SBNO2: variants seen among roughly 807,000 people sequenced by gnomAD.
SBNO2 encodes the protein protein strawberry notch homolog 2.
Under a neutral mutation model 146.3 loss-of-function variants are expected in SBNO2, and 89 were observed. That is an observed-to-expected ratio of 0.61 (90% CI 0.51 to 0.73). The LOEUF is 0.73. SBNO2 is among the 30% of genes least tolerant of loss of function. The probability of loss-of-function intolerance (pLI) is 0.00; values close to 1 mark genes in which losing one functional copy is unlikely to be tolerated. For synonymous variants in SBNO2, 1,147 were observed against 892.6 expected, an observed-to-expected ratio of 1.29 and a Z score of -5.08; for missense variants, 2,092 against 2,003.7, an observed-to-expected ratio of 1.04 and a Z score of -0.84.
rs867545814 is a variant in SBNO2 at position 1,165,868 on chromosome 19, C to T, written c.-127+8304G>A. Among the ~76,000 whole-genome samples the T allele has an allele frequency of 6.5e-5, 2 of 30,654 alleles. 1 individual carries two copies. Among genetic ancestry groups the T allele is most frequent in the East Asian group, 2.7e-3 (2 of 744 alleles). 20.1% of individuals were successfully genotyped at this position (30,654 alleles called of 152,430 possible). A position where few individuals can be genotyped will look rare whatever the true frequency, so the allele number is the denominator to read the frequency against. ...CAGATCTCAGACCCCAGATCCCAGACCCCAGACCCCAGATCCCAGACCCCA... is the reference window on the plus strand; with the variant it reads ...CAGATCTCAGACCCCAGATCCCAGATCCCAGACCCCAGATCCCAGACCCCA... On this transcript the variant is annotated intron_variant, in intron 1 of 31. Coordinates refer to ENST00000361757, the MANE Select transcript of SBNO2 (RefSeq NM_014963.3).
intron 7 of SBNO2, 74 bp downstream of exon 7, chr19:1,123,460 G>T: frequency 1.6e-6 from 2 of 1,269,116 alleles, no homozygotes; most frequent in African/African-American, 1.5e-5. Flanking sequence ...TGCGGGCGGT[G>T]GTCACCTGCA....
rs937603127 is a variant in SBNO2, at chr19:1,144,217, C to T, written c.279+3092G>A. On this transcript the variant is annotated intron_variant, in intron 4 of 31. Coordinates refer to ENST00000361757, the MANE Select transcript of SBNO2 (RefSeq NM_014963.3). This position sits in a 1 kb window ranked among gnomAD's most constrained non-coding sequence, Gnocchi z 4.1. ...CCACAGAACCTTGCGGCCCAGCCCA[C>T]AGGACTGAGCTGACCCACACCCGTC... Among the ~76,000 whole-genome samples, 12 of 152,018 alleles carry T rather than the reference C, an allele frequency of 7.9e-5. No homozygotes were observed. The East Asian group carries it at 1.6e-3, about 20-fold the overall frequency.
At position 1,113,654 on chromosome 19, in the gene SBNO2, G is replaced by A. The variant is rs373148649; in HGVS notation, c.2128C>T (p.Arg710Trp). 63 of 1,596,934 alleles carry A rather than the reference G, an allele frequency of 3.9e-5. No individual in the cohort carries two copies. The highest frequency in any genetic ancestry group is 4.8e-5 in the Non-Finnish European group (56 of 1,173,050). ...RDPHGPGVLE[R>W]VERLKQDLLD... ...AGATCCTGCTTCAGCCGCTCCACCC[G>A]CTCCAGGACCCCGGGGCCATGCGGG... Residue 710 changes from arginine to tryptophan, a missense_variant, in exon 19 of 32, where the codon CGG becomes TGG. Coordinates refer to ENST00000361757, the MANE Select transcript of SBNO2 (RefSeq NM_014963.3).
At chr19:1,166,302 T>G (rs1229945973) in intron 1 of SBNO2, among the ~76,000 whole-genome samples, 3 of 151,610 alleles carry the variant, frequency 2.0e-5, no homozygotes, top group Non-Finnish European at 4.4e-5. Context: ...ACGACACAAA[T>G]GCTTATGCGG....
At chr19:1,125,855 G>A (rs927615307) in intron 5 of SBNO2, among the ~76,000 whole-genome samples, 4 of 151,970 alleles carry the variant, frequency 2.6e-5, no homozygotes, top group Non-Finnish European at 5.9e-5. Flanking sequence ...TTAGCCAGGC[G>A]TGGTGTCGTG....
At chr19:1,123,697 G>A (rs895070608) in intron 6 of SBNO2, 58 bp from the exon 7 acceptor site, 4 of 1,498,316 alleles carry the variant, frequency 2.7e-6, no homozygotes, top group Admixed American at 1.9e-5. Context: ...GCGGGCACTG[G>A]GCTCCCCCAG....
At chr19:1,147,767 G>C (rs574562440) in intron 3 of SBNO2, among the ~76,000 whole-genome samples, 217 of 152,182 alleles carry the variant, frequency 1.4e-3, no homozygotes, top group African/African-American at 4.8e-3. Context: ...CCCCAGCCTG[G>C]CCATCCCTCC....
At position 1,140,853 on chromosome 19, in the gene SBNO2, G is replaced by A. The variant is rs1487527102; in HGVS notation, c.279+6456C>T. 1.3e-5 allele frequency among the ~76,000 whole-genome samples: 2 copies of A among 152,122 alleles called. No individual in the cohort carries two copies. The highest frequency in any genetic ancestry group is 2.9e-5 in the Non-Finnish European group (2 of 68,028). ...TGAAGGAACCCCGTCCCCGCCAAGC[G>A]GCCAAAGTTACCAGCATCAGCACAA... On this transcript the variant is annotated intron_variant, in intron 4 of 31. Transcript: ENST00000361757. The surrounding 1 kb of genome is among the most constrained non-coding windows in gnomAD (Gnocchi z 4.4).
chr19:1,160,733 T>G (rs2080335645), intron 1 of SBNO2, among the ~76,000 whole-genome samples: 1 of 152,180 alleles, frequency 6.6e-6, no homozygotes, highest in Non-Finnish European at 1.5e-5. Context: ...TTTCACCATG[T>G]TGCCCAGGCT....
rs11881300 is a variant in SBNO2, at chr19:1,136,224, A to G, written c.280-8459T>C. Among the ~76,000 whole-genome samples the G allele has an allele frequency of 0.094, 14,358 of 152,148 alleles. 845 individuals are homozygous for G. Among genetic ancestry groups the G allele is most frequent in the East Asian group, 0.16 (810 of 5,140 alleles). On this transcript the variant is annotated intron_variant, in intron 4 of 31. Transcript: ENST00000361757. The surrounding 1 kb of genome is among the most constrained non-coding windows in gnomAD (Gnocchi z 4.2). ...GTCCGCACCTTGACTTTGGACTTCC[A>G]GGCTCCAGGGCTGGGAGGGGACAGA...
chr19:1,168,047 G>A (rs2145357298), intron 1 of SBNO2, among the ~76,000 whole-genome samples: 1 of 152,300 alleles, frequency 6.6e-6, no homozygotes, highest in Middle Eastern at 3.4e-3. Flanking sequence ...CCCTGGGGAG[G>A]GGCAGCGGAG....
At chr19:1,114,992 C>G (rs948400967) in intron 17 of SBNO2, among the ~76,000 whole-genome samples, 1 of 151,610 alleles carries the variant, frequency 6.6e-6, no homozygotes, top group Non-Finnish European at 1.5e-5. Flanking sequence ...TGCAGTGGTG[C>G]GATCTCAGCT....
chr19:1,160,473 C>G (rs537785451), intron 1 of SBNO2, among the ~76,000 whole-genome samples: 2 of 152,320 alleles, frequency 1.3e-5, no homozygotes, highest in East Asian at 3.9e-4. Context: ...AGTGGGGAGA[C>G]CCGGGGGAGG....
intron 17 of SBNO2, among the ~76,000 whole-genome samples, chr19:1,114,868 C>G (rs978015306): frequency 6.6e-6 from 1 of 151,648 alleles, no homozygotes; most frequent in East Asian, 1.9e-4. Context: ...CTCCTGACCT[C>G]GTGATCCACC....
At chr19:1,138,786 C>A (rs1393540279) in intron 4 of SBNO2, among the ~76,000 whole-genome samples, 1 of 150,936 alleles carries the variant, frequency 6.6e-6, no homozygotes, top group South Asian at 2.1e-4. Context: ...CGGACAGACA[C>A]AGTGGGGCCC....
Position 1,157,452 on chromosome 19 carries a change from AC to A in SBNO2, c.-126-3051del, listed in dbSNP as rs962592737. On this transcript the variant is annotated intron_variant, in intron 1 of 31. Coordinates refer to ENST00000361757, the MANE Select transcript of SBNO2 (RefSeq NM_014963.3). The surrounding 1 kb of genome is among the most constrained non-coding windows in gnomAD (Gnocchi z 6.8). ...CCACGCGGCCCCGGTGACACGGCCC[AC>A]CCCGAGCCTCAGAGCCACGGGCCAG... Among the ~76,000 whole-genome samples the A allele has an allele frequency of 7.0e-6, 1 of 143,322 alleles. No individual in the cohort carries two copies. Among genetic ancestry groups the A allele is most frequent in the African/African-American group, 2.5e-5 (1 of 39,586 alleles). The allele number at this position is 143,322 out of a possible 152,430, so 94.0% of individuals were successfully genotyped here. A position where few individuals can be genotyped will look rare whatever the true frequency, so the allele number is the denominator to read the frequency against.
In SBNO2 at chr19:1,109,878, C is replaced by T. The variant is rs1394430790; in HGVS notation, c.3029-101G>A. ...GGGGCGCACCCTAGAGACGACCCCC[C>T]GAGAGCACAGGAGAGGGTGTCCTGG... On this transcript the variant is annotated intron_variant, in intron 26 of 31. Coordinates refer to ENST00000361757, the MANE Select transcript of SBNO2 (RefSeq NM_014963.3). The surrounding 1 kb of genome is among the most constrained non-coding windows in gnomAD (Gnocchi z 4.2). The T allele has an allele frequency of 1.1e-5, 9 of 825,652 alleles. No homozygotes were observed. Among genetic ancestry groups the T allele is most frequent in the South Asian group, 3.5e-5 (2 of 57,342 alleles). 51.1% of individuals were successfully genotyped at this position (825,652 alleles called of 1,614,324 possible). A position where few individuals can be genotyped will look rare whatever the true frequency, so the allele number is the denominator to read the frequency against.
chr19:1,119,815 C>T, intron 12 of SBNO2, 91 bp downstream of exon 12: 1 of 1,075,310 alleles, frequency 9.3e-7, no homozygotes, highest in Non-Finnish European at 1.4e-6. Flanking sequence ...CAGACGGAGG[C>T]TGAGTACGCG....
intron 4 of SBNO2, among the ~76,000 whole-genome samples, chr19:1,129,844 T>C (rs2080008565): frequency 6.6e-6 from 1 of 152,026 alleles, no homozygotes; most frequent in African/African-American, 2.4e-5. Context: ...ACACGGCCAG[T>C]CCTTCCCCGG....
Sources: allele counts gnomAD v4.1 joint callset (sites outside exome capture counted in the v4.1 genomes callset), GRCh38; gene constraint gnomAD v4.1.1; non-coding constraint Gnocchi (gnomAD v3.1); transcripts MANE v1.5; gene names NCBI Gene and HGNC (gene_info 2026-07-23, HGNC 2026-07-21).